Variants in RBFOX1 observed in about 807,000 individuals in gnomAD.
RBFOX1 encodes RNA binding fox-1 homolog 1, also known as RNA binding protein fox-1 homolog 1.
Under a neutral mutation model 57.7 loss-of-function variants are expected in RBFOX1, and 8 were observed. The ratio of observed to expected loss-of-function variants is 0.14; its 90% CI spans 0.08 to 0.25. RBFOX1 has a LOEUF of 0.25. Among genes scored for constraint, RBFOX1 ranks in the 10% least tolerant of loss-of-function variants. The probability of loss-of-function intolerance (pLI) is 1.00; values close to 1 mark genes in which losing one functional copy is unlikely to be tolerated. For missense variants in RBFOX1, 611 were observed against 548.5 expected (o/e 1.11, Z -1.14); for synonymous variants, 326 against 222.4 (o/e 1.47, Z -4.15).
intron 2 of RBFOX1, among the ~76,000 whole-genome samples, chr16:5,596,087 A>G (rs972269800): frequency 2.6e-5 from 4 of 152,152 alleles, no homozygotes; most frequent in Admixed American, 2.0e-4. Flanking sequence ...CCTCAGGCTC[A>G]GGGATGTGGA....
At position 7,226,763 on chromosome 16, in the gene RBFOX1, C is replaced by G. The variant is rs943075933; in HGVS notation, c.27+174665C>G. Among the ~76,000 whole-genome samples the G allele has an allele frequency of 2.6e-5, 4 of 152,180 alleles. No individual in the cohort carries two copies. In the East Asian group the frequency reaches 7.7e-4, roughly 29 times the overall value. The stretch of plus-strand genomic sequence containing the variant: ...AAGAGGACTGGTAGGATTCCCAGCT[C>G]ACTTCAAATTCATACTCCTGTATAT... On this transcript the variant is annotated intron_variant, in intron 4 of 15. Transcript: ENST00000550418.
chr16:5,282,122 A>G (rs1413060283), intron 1 of RBFOX1, among the ~76,000 whole-genome samples: 1 of 152,154 alleles, frequency 6.6e-6, no homozygotes, highest in Non-Finnish European at 1.5e-5. Context: ...AATCAGTCTC[A>G]TGAGATCTGA....
chr16:7,541,233 G>C (rs996302025), intron 5 of RBFOX1, among the ~76,000 whole-genome samples: 4 of 152,346 alleles, frequency 2.6e-5, no homozygotes, highest in East Asian at 3.9e-4. Flanking sequence ...AAGCCATTCA[G>C]CAAAATTGCA....
intron 1 of RBFOX1, among the ~76,000 whole-genome samples, chr16:5,337,974 A>G (rs1003397368): frequency 6.6e-6 from 1 of 152,100 alleles, no homozygotes; most frequent in Non-Finnish European, 1.5e-5. Context: ...AGCCCAGGAG[A>G]TTGAGGCTGC....
rs1261795700 is a variant in RBFOX1, at chr16:7,155,732, T to TACACACACACAC, written c.27+103635_27+103636insCACACACACACA. Among the ~76,000 whole-genome samples the TACACACACACAC allele has an allele frequency of 3.1e-3, 281 of 89,348 alleles. 5 individuals are homozygous for TACACACACACAC. Among genetic ancestry groups the TACACACACACAC allele is most frequent in the African/African-American group, 0.016 (257 of 16,512 alleles). 58.6% of individuals were successfully genotyped at this position (89,348 alleles called of 152,430 possible). ...AAAAAAATATATATATATATATATA[T>TACACACACACAC]ATATATACACACACACACACACACA... On this transcript the variant is annotated intron_variant, in intron 4 of 15. Coordinates refer to ENST00000550418, the MANE Select transcript of RBFOX1 (RefSeq NM_018723.4).
chr16:6,818,146 C>T (rs946174936), intron 3 of RBFOX1, among the ~76,000 whole-genome samples: 1 of 152,118 alleles, frequency 6.6e-6, no homozygotes, highest in Non-Finnish European at 1.5e-5. Flanking sequence ...CTAGGTTCCT[C>T]TGGTAGAGTA....
intron 3 of RBFOX1, among the ~76,000 whole-genome samples, chr16:5,721,815 G>A (rs934290539): frequency 7.2e-5 from 11 of 152,080 alleles, no homozygotes; most frequent in African/African-American, 2.7e-4. Flanking sequence ...GGAAACCTTC[G>A]CAAAGGGCTT....
intron 2 of RBFOX1, among the ~76,000 whole-genome samples, chr16:6,604,015 T>C (rs749705731): frequency 3.9e-5 from 6 of 152,152 alleles, no homozygotes; most frequent in Non-Finnish European, 7.4e-5. Flanking sequence ...ACTGTGGTCC[T>C]TTCATGTAGC....
At chr16:7,198,951 C>G (rs1253107245) in intron 4 of RBFOX1, among the ~76,000 whole-genome samples, 1 of 152,118 alleles carries the variant, frequency 6.6e-6, no homozygotes, top group Non-Finnish European at 1.5e-5. Flanking sequence ...TGCAGGAGAA[C>G]CCCTGAAATC....
intron 1 of RBFOX1, among the ~76,000 whole-genome samples, chr16:6,142,075 C>T (rs1375413029): frequency 1.3e-5 from 2 of 148,884 alleles, no homozygotes; most frequent in East Asian, 2.0e-4. Flanking sequence ...ATCTCATCAC[C>T]TGGAATACTG....
chr16:6,277,484 A>AT (rs2075940447), intron 1 of RBFOX1, among the ~76,000 whole-genome samples: 1 of 146,730 alleles, frequency 6.8e-6, no homozygotes, highest in Non-Finnish European at 1.5e-5. Context: ...AAAAACCTCA[A>AT]TTTTTATCAG....
At chr16:5,688,365 C>G (rs1333874981) in intron 3 of RBFOX1, among the ~76,000 whole-genome samples, 1 of 152,254 alleles carries the variant, frequency 6.6e-6, no homozygotes, top group African/African-American at 2.4e-5. Context: ...TTTTGACTTA[C>G]AGGCTACTGC....
At chr16:6,540,519 G>C (rs563590352) in intron 2 of RBFOX1, among the ~76,000 whole-genome samples, 2 of 149,402 alleles carry the variant, frequency 1.3e-5, no homozygotes, top group South Asian at 4.3e-4. Flanking sequence ...GGCTGAGGCA[G>C]GAAAATCGCT....
chr16:7,069,937 C>A (rs769773963), intron 4 of RBFOX1, among the ~76,000 whole-genome samples: 3 of 152,184 alleles, frequency 2.0e-5, no homozygotes, highest in African/African-American at 7.2e-5. Flanking sequence ...ATAGTACATT[C>A]GCCATAATGA....
chr16:5,867,229 C>T, intron 3 of RBFOX1: 1 of 1,036,020 alleles, frequency 9.7e-7, no homozygotes, highest in African/African-American at 1.7e-5. Context: ...GATGCCAGTT[C>T]CTTTAAAAAG....
intron 4 of RBFOX1, among the ~76,000 whole-genome samples, chr16:7,247,252 C>T (rs1020029473): frequency 2.0e-5 from 3 of 152,144 alleles, no homozygotes; most frequent in African/African-American, 7.2e-5. Context: ...GTGCAAACGC[C>T]TTCAAGCCTT....
intron 3 of RBFOX1, among the ~76,000 whole-genome samples, chr16:7,024,219 A>AG: frequency 6.6e-6 from 1 of 152,182 alleles, no homozygotes; most frequent in Non-Finnish European, 1.5e-5. Flanking sequence ...CTTAATTTAC[A>AG]GCATTGGCAC....
At chr16:7,248,729 T>A (rs1399561333) in intron 4 of RBFOX1, among the ~76,000 whole-genome samples, 1 of 152,212 alleles carries the variant, frequency 6.6e-6, no homozygotes, top group African/African-American at 2.4e-5. Flanking sequence ...CATCCAGAGA[T>A]AATGTGAATT....
intron 1 of RBFOX1, among the ~76,000 whole-genome samples, chr16:5,459,597 A>G (rs1215020210): frequency 2.0e-5 from 3 of 151,636 alleles, no homozygotes; most frequent in African/African-American, 2.4e-5. Context: ...CGATCCCCCA[A>G]TTTTTCCTTC....
Sources: allele counts gnomAD v4.1 joint callset (sites outside exome capture counted in the v4.1 genomes callset), GRCh38; gene constraint gnomAD v4.1.1; transcripts MANE v1.5; gene names NCBI Gene and HGNC (gene_info 2026-07-23, HGNC 2026-07-21).